Variants in TMOD3 observed in about 807,000 individuals in gnomAD.
TMOD3 encodes the protein tropomodulin 3, also known as tropomodulin-3.
TMOD3 carries 20 observed loss-of-function variants against 39.2 expected under a neutral mutation model. The observed-to-expected ratio is 0.51, with a 90% CI of 0.36 to 0.74. The LOEUF is 0.74. Ranked by LOEUF, TMOD3 falls within the 30% of genes least tolerant of loss-of-function variation. TMOD3 has a pLI of 0.00. For synonymous variants in TMOD3, 143 were observed against 145.8 expected (o/e 0.98, Z 0.14); for missense variants, 381 against 412.8 (o/e 0.92, Z 0.67).
chr15:51,856,710 A>G (rs949717234), intron 1 of TMOD3, among the ~76,000 whole-genome samples: 2 of 152,198 alleles, frequency 1.3e-5, no homozygotes, highest in African/African-American at 4.8e-5. Context: ...AGCAAAATGC[A>G]AATTAAAACC....
At chr15:51,855,878 T>C (rs1283970037) in intron 1 of TMOD3, among the ~76,000 whole-genome samples, 3 of 152,202 alleles carry the variant, frequency 2.0e-5, no homozygotes, top group South Asian at 2.1e-4. Flanking sequence ...ATTGTCAGTA[T>C]ACAAATGTTC....
chr15:51,838,563 G>A (rs185741226), intron 1 of TMOD3, among the ~76,000 whole-genome samples: 36 of 152,064 alleles, frequency 2.4e-4, no homozygotes, highest in African/African-American at 8.7e-4. Flanking sequence ...TGCTTGTAGG[G>A]CTCTCTTTGG....
chr15:51,841,717 T>C (rs2623251), intron 1 of TMOD3, among the ~76,000 whole-genome samples: 100,504 of 152,140 alleles, frequency 0.66, 34,394 homozygotes, highest in East Asian at 1. Flanking sequence ...TATCCCCAAT[T>C]GCCACTAGCT....
intron 3 of TMOD3, among the ~76,000 whole-genome samples, chr15:51,880,426 G>A (rs919059): frequency 0.48 from 72,160 of 151,888 alleles, 17,385 homozygotes; most frequent in Admixed American, 0.54. Context: ...CATCACCACA[G>A]TCTTAAGTTT....
At chr15:51,870,580 T>C (rs1348748389) in intron 3 of TMOD3, among the ~76,000 whole-genome samples, 1 of 152,188 alleles carries the variant, frequency 6.6e-6, no homozygotes, top group Non-Finnish European at 1.5e-5. Flanking sequence ...GCAAGAAAGT[T>C]CATTTTAGCA....
rs912626487 is a variant in TMOD3 at position 51,860,461 on chromosome 15, G to A, written c.-74-2350G>A. 1.6e-5 allele frequency: 9 copies of A among 566,190 alleles called. No individual in the cohort carries two copies. The African/African-American group carries it at 1.7e-4, about 11-fold the overall frequency. 35.1% of individuals were successfully genotyped at this position (566,190 alleles called of 1,614,324 possible). ...CTAAAGTAGTCTTGATAAAGTTTTGGGCCCTCTGGATGAAAGTGCAGTGCC... is the reference window on the plus strand; with the variant it reads ...CTAAAGTAGTCTTGATAAAGTTTTGAGCCCTCTGGATGAAAGTGCAGTGCC... On this transcript the variant is annotated intron_variant, in intron 1 of 9. Transcript: ENST00000308580.
At chr15:51,902,343 T>C (rs2056655110) in intron 9 of TMOD3, among the ~76,000 whole-genome samples, 1 of 152,216 alleles carries the variant, frequency 6.6e-6, no homozygotes. Context: ...AACAAAGATT[T>C]CAACATTATC....
intron 3 of TMOD3, among the ~76,000 whole-genome samples, chr15:51,878,376 A>ATGTGTGTGTG (rs10586896): frequency 0.041 from 6,077 of 147,382 alleles, 139 homozygotes; most frequent in Middle Eastern, 0.059. Flanking sequence ...TTTAAAATAT[A>ATGTGTGTGTG]TGTGTGTGTG....
chr15:51,885,544 C>A (rs557432806), intron 3 of TMOD3, among the ~76,000 whole-genome samples: 4 of 152,112 alleles, frequency 2.6e-5, no homozygotes, highest in Admixed American at 2.0e-4. Flanking sequence ...CATCTTGCAC[C>A]GCCCTTAATC....
chr15:51,838,351 A>G (rs1439387943), intron 1 of TMOD3, among the ~76,000 whole-genome samples: 2 of 152,192 alleles, frequency 1.3e-5, no homozygotes, highest in African/African-American at 2.4e-5. Flanking sequence ...CTTTATGTGC[A>G]TGTCTCATTT....
At chr15:51,885,225 T>C (rs1286517287) in intron 3 of TMOD3, among the ~76,000 whole-genome samples, 1 of 152,118 alleles carries the variant, frequency 6.6e-6, no homozygotes, top group Admixed American at 6.5e-5. Context: ...CATATGGTCA[T>C]AAACATGATT....
At chr15:51,904,297 T>A (rs971984762) in intron 9 of TMOD3, among the ~76,000 whole-genome samples, 1 of 152,258 alleles carries the variant, frequency 6.6e-6, no homozygotes, top group Non-Finnish European at 1.5e-5. Flanking sequence ...TTCCAAAGAC[T>A]ATATGCTTTT....
At chr15:51,857,847 T>C (rs2006773) in intron 1 of TMOD3, among the ~76,000 whole-genome samples, 63,460 of 151,386 alleles carry the variant, frequency 0.42, 13,438 homozygotes, top group Admixed American at 0.51. Flanking sequence ...GTCTGAAATA[T>C]CACATCATTG....
At chr15:51,888,967 A>G (rs2056579153) in intron 4 of TMOD3, 89 bp from the exon 5 acceptor site, 2 of 778,218 alleles carry the variant, frequency 2.6e-6, no homozygotes, top group Admixed American at 3.0e-5. Context: ...GAAAAGGTCC[A>G]GAGGATATTA....
chr15:51,848,119 T>A (rs2056344842), intron 1 of TMOD3, among the ~76,000 whole-genome samples: 1 of 152,244 alleles, frequency 6.6e-6, no homozygotes, highest in African/African-American at 2.4e-5. Context: ...ATTGGACTTC[T>A]CAGCCTCTGG....
chr15:51,876,205 G>C (rs2554344), intron 3 of TMOD3, among the ~76,000 whole-genome samples: 5,095 of 152,154 alleles, frequency 0.033, 288 homozygotes, highest in African/African-American at 0.12. Flanking sequence ...GTCTTGCTCT[G>C]TTGTCCAGAC....
intron 1 of TMOD3, among the ~76,000 whole-genome samples, chr15:51,835,354 G>T (rs2056277188): frequency 6.6e-6 from 1 of 152,176 alleles, no homozygotes; most frequent in Non-Finnish European, 1.5e-5. Context: ...CCAGTTTGGA[G>T]TGCAGTAGTG....
At chr15:51,843,955 ATTTTG>A (rs1397302523) in intron 1 of TMOD3, among the ~76,000 whole-genome samples, 1 of 149,688 alleles carries the variant, frequency 6.7e-6, no homozygotes, top group East Asian at 2.0e-4. Context: ...GATGGTTCTT[ATTTTG>A]TTTTTTCTAC....
At position 51,915,543 on chromosome 15, in the gene TMOD3, C is replaced by G. The variant is rs1326493142; in HGVS notation, c.*6733C>G. The G allele has an allele frequency of 6.6e-6, 1 of 151,828 alleles. No homozygotes were observed. The highest frequency in any genetic ancestry group is 2.4e-5 in the African/African-American group (1 of 41,350). 9.4% of individuals were successfully genotyped at this position (151,828 alleles called of 1,614,324 possible). Reference sequence around the variant, plus strand: ...CCAACATTGTAATTGCCCTATTTTTCCATTTTTATAAGTATAAAAGCAATG... The same window carrying G: ...CCAACATTGTAATTGCCCTATTTTTGCATTTTTATAAGTATAAAAGCAATG... On this transcript the variant is annotated 3_prime_UTR_variant, in exon 10 of 10. Coordinates refer to ENST00000308580, the MANE Select transcript of TMOD3 (RefSeq NM_014547.5).
Sources: allele counts gnomAD v4.1 joint callset (sites outside exome capture counted in the v4.1 genomes callset), GRCh38; gene constraint gnomAD v4.1.1; transcripts MANE v1.5; gene names NCBI Gene and HGNC (gene_info 2026-07-23, HGNC 2026-07-21).